MAGI3: variants seen among roughly 807,000 people sequenced by gnomAD.
The protein encoded by MAGI3 is membrane-associated guanylate kinase, WW and PDZ domain-containing protein 3.
A neutral mutation model predicts 121.8 loss-of-function variants in MAGI3; 43 were observed. The ratio of observed to expected loss-of-function variants is 0.35; its 90% CI spans 0.28 to 0.46. MAGI3 has a LOEUF of 0.46. Among genes scored for constraint, MAGI3 ranks in the 20% least tolerant of loss-of-function variants. The pLI is 1.00. For missense variants in MAGI3, 1,547 were observed against 1,797.3 expected (o/e 0.86, Z 2.52); for synonymous variants, 553 against 639.3 (o/e 0.86, Z 2.04).
Position 113,684,250 on chromosome 1 carries a change from A to G in MAGI3, c.*236A>G. ...GGAGCTGCATCCACATGCTCATCTG[A>G]CCCGCCCTGCTCAGGCTGCCCAGCT... On this transcript the variant is annotated 3_prime_UTR_variant, in exon 21 of 21. Coordinates refer to ENST00000307546, the MANE Select transcript of MAGI3 (RefSeq NM_001142782.2). 1 of 382,902 alleles carries G rather than the reference A, an allele frequency of 2.6e-6. No homozygotes were observed. The highest frequency in any genetic ancestry group is 4.6e-6 in the Non-Finnish European group (1 of 216,194). The allele number at this position is 382,902 out of a possible 1,614,324, so 23.7% of individuals were successfully genotyped here.
At chr1:113,462,328 A>C (rs1382753782) in intron 1 of MAGI3, among the ~76,000 whole-genome samples, 1 of 152,246 alleles carries the variant, frequency 6.6e-6, no homozygotes, top group Non-Finnish European at 1.5e-5. Flanking sequence ...CCTCAGTGAC[A>C]GATTGGATAA....
chr1:113,586,612 A>G lies in MAGI3; in HGVS notation c.763+1016A>G, dbSNP rs529867375. ...TTTTAAAAGGTTTAGGTGAATTCAC[A>G]TCTAATTTTTAGGAGTTCCTAAGGG... On this transcript the variant is annotated intron_variant, in intron 4 of 20. Coordinates refer to ENST00000307546, the MANE Select transcript of MAGI3 (RefSeq NM_001142782.2). 3.9e-5 allele frequency among the ~76,000 whole-genome samples: 6 copies of G among 152,300 alleles called. No homozygotes were observed. In the South Asian group the frequency reaches 1.2e-3, roughly 32 times the overall value.
chr1:113,682,579 A>G (rs1648286279), intron 20 of MAGI3: 5 of 1,225,298 alleles, frequency 4.1e-6, no homozygotes, highest in Non-Finnish European at 5.1e-6. Context: ...AATTTGGTTC[A>G]GCTTTATAAC....
chr1:113,503,074 C>T (rs1169402608), intron 1 of MAGI3, among the ~76,000 whole-genome samples: 1 of 39,978 alleles, frequency 2.5e-5, no homozygotes, highest in Non-Finnish European at 4.4e-5. Flanking sequence ...GTGGTGGGGT[C>T]GGGGGAGGGG....
At chr1:113,446,299 T>A (rs554306212) in intron 1 of MAGI3, among the ~76,000 whole-genome samples, 2 of 152,320 alleles carry the variant, frequency 1.3e-5, no homozygotes, top group South Asian at 2.1e-4. Context: ...GAAGTTAAGC[T>A]GGTAATAATT....
At chr1:113,668,095 A>T (rs917355540) in intron 16 of MAGI3, among the ~76,000 whole-genome samples, 4 of 152,222 alleles carry the variant, frequency 2.6e-5, no homozygotes, top group Non-Finnish European at 4.4e-5. Flanking sequence ...ACCATAACAG[A>T]TATAATAATA....
intron 9 of MAGI3, 127 bp downstream of exon 9, chr1:113,623,121 T>A: frequency 1.5e-6 from 1 of 671,604 alleles, no homozygotes; most frequent in Non-Finnish European, 2.2e-6. Flanking sequence ...GATTCCAGTA[T>A]TAAAATAGTT....
intron 9 of MAGI3, among the ~76,000 whole-genome samples, chr1:113,639,021 G>A (rs535749173): frequency 7.9e-5 from 12 of 152,294 alleles, no homozygotes; most frequent in South Asian, 2.1e-4. Flanking sequence ...CTCCGTGGGC[G>A]TAGGACCCTC....
At chr1:113,437,306 G>A (rs1653618420) in intron 1 of MAGI3, among the ~76,000 whole-genome samples, 1 of 151,894 alleles carries the variant, frequency 6.6e-6, no homozygotes, top group African/African-American at 2.4e-5. Context: ...AATGTTAAAT[G>A]AGAATAGTAA....
At chr1:113,669,274 G>A (rs1394403313) in intron 16 of MAGI3, among the ~76,000 whole-genome samples, 1 of 152,212 alleles carries the variant, frequency 6.6e-6, no homozygotes, top group Admixed American at 6.5e-5. Context: ...GAAATTTCTA[G>A]TGAGTACAGG....
chr1:113,563,135 G>A (rs987402026), intron 2 of MAGI3, among the ~76,000 whole-genome samples: 10 of 152,166 alleles, frequency 6.6e-5, no homozygotes, highest in Non-Finnish European at 1.0e-4. Context: ...ATCAAGTGGA[G>A]TTTGTTTCAG....
intron 1 of MAGI3, among the ~76,000 whole-genome samples, chr1:113,466,473 T>G (rs538571346): frequency 6.6e-6 from 1 of 152,294 alleles, no homozygotes; most frequent in Admixed American, 6.5e-5. Context: ...CTTATCTGTT[T>G]TTGGTATCAG....
intron 7 of MAGI3, among the ~76,000 whole-genome samples, chr1:113,614,982 T>A (rs1015580600): frequency 2.6e-5 from 4 of 152,146 alleles, no homozygotes; most frequent in Non-Finnish European, 5.9e-5. Context: ...CTAGATGAAT[T>A]ATCAAGGTCA....
chr1:113,418,618 T>C (rs1242369011), intron 1 of MAGI3, among the ~76,000 whole-genome samples: 1 of 152,144 alleles, frequency 6.6e-6, no homozygotes, highest in African/African-American at 2.4e-5. Flanking sequence ...AAATATGCCA[T>C]CTTCTTACAC....
intron 1 of MAGI3, among the ~76,000 whole-genome samples, chr1:113,409,380 C>T (rs147915857): frequency 0.01 from 1,529 of 151,982 alleles, 28 homozygotes; most frequent in African/African-American, 0.035. Context: ...TGTGGTGGTT[C>T]ACACCTTTAA....
chr1:113,641,615 G>T lies in MAGI3; in HGVS notation c.1361-296G>T, dbSNP rs551281576. 7.9e-5 allele frequency among the ~76,000 whole-genome samples: 12 copies of T among 151,618 alleles called. No individual in the cohort carries two copies. The East Asian group carries it at 2.1e-3, about 27-fold the overall frequency. ...TGGATACTTAGATATGACTCAGAGG[G>T]TATACTAACAATGATAATATAAATT... On this transcript the variant is annotated intron_variant, in intron 9 of 20. Coordinates refer to ENST00000307546, the MANE Select transcript of MAGI3 (RefSeq NM_001142782.2).
intron 1 of MAGI3, among the ~76,000 whole-genome samples, chr1:113,544,570 G>T (rs930988396): frequency 3.3e-5 from 5 of 152,190 alleles, no homozygotes; most frequent in African/African-American, 4.8e-5. Context: ...TAAAGGATGT[G>T]CATGATTAAT....
intron 1 of MAGI3, among the ~76,000 whole-genome samples, chr1:113,418,688 GT>G (rs1185112771): frequency 3.3e-5 from 5 of 152,154 alleles, no homozygotes; most frequent in African/African-American, 9.6e-5. Flanking sequence ...ATCTCCTGCT[GT>G]CTTTAACATA....
rs528049260 is a variant in MAGI3, at chr1:113,506,442, G to A, written c.317-43073G>A. On this transcript the variant is annotated intron_variant, in intron 1 of 20. Coordinates refer to ENST00000307546, the MANE Select transcript of MAGI3 (RefSeq NM_001142782.2). ...TTTTTTTTTTTTGCTAATGGTTGTA[G>A]ATCACACCAGTGTTCTACATTTCAT... 1.1e-4 allele frequency among the ~76,000 whole-genome samples: 16 copies of A among 149,974 alleles called. No individual in the cohort carries two copies. The East Asian group carries it at 3.1e-3, about 29-fold the overall frequency.
Sources: allele counts gnomAD v4.1 joint callset (sites outside exome capture counted in the v4.1 genomes callset), GRCh38; gene constraint gnomAD v4.1.1; transcripts MANE v1.5; gene names NCBI Gene and HGNC (gene_info 2026-07-23, HGNC 2026-07-21).